The following ATXN8OS variants were observed in gnomAD, a reference collection of about 807,000 sequenced individuals.
ATXN8OS encodes the protein ATXN8 opposite strand lncRNA.
chr13:70,115,328 A>T (rs2137470739), intron 2 of ATXN8OS: 2 of 397,938 alleles, frequency 5.0e-6, no homozygotes, highest in East Asian at 7.1e-5. Flanking sequence ...TCATTAATCC[A>T]TTCACAGGGA....
At chr13:70,107,654 G>A (rs774985458), upstream of ATXN8OS, 8 of 1,545,166 alleles carry the variant, frequency 5.2e-6, no homozygotes, top group Admixed American at 1.7e-4. Flanking sequence ...CAGCGGAGTC[G>A]CAGAATGTGC....
chr13:70,112,920 A>ATT (rs759144765), intron 1 of ATXN8OS, among the ~76,000 whole-genome samples: 130 of 87,546 alleles, frequency 1.5e-3, no homozygotes, highest in East Asian at 3.3e-3. Flanking sequence ...TATATATATA[A>ATT]TTTTTTTTTT....
At chr13:70,118,563 TAGAG>T (rs560173704) in intron 2 of ATXN8OS, among the ~76,000 whole-genome samples, 68 of 152,154 alleles carry the variant, frequency 4.5e-4, no homozygotes, top group African/African-American at 1.5e-3. Flanking sequence ...CATTTATACA[TAGAG>T]AGGAAGAGAG....
intron 4 of ATXN8OS, among the ~76,000 whole-genome samples, chr13:70,157,272 T>A (rs539304965): frequency 8.5e-5 from 13 of 152,272 alleles, no homozygotes; most frequent in African/African-American, 3.1e-4. Context: ...ATGTTGTGTC[T>A]CAAGAAACAG....
chr13:70,171,495 G>A (rs1889144068), exon 5 of ATXN8OS, among the ~76,000 whole-genome samples: 1 of 152,074 alleles, frequency 6.6e-6, no homozygotes, highest in Non-Finnish European at 1.5e-5. Context: ...TCGTGGTGCA[G>A]TACATTTGTT....
At chr13:70,137,588 T>C (rs957645010) in intron 3 of ATXN8OS, among the ~76,000 whole-genome samples, 10 of 152,208 alleles carry the variant, frequency 6.6e-5, no homozygotes, top group Admixed American at 2.0e-4. Context: ...TGAATTATTA[T>C]AGATAATTTA....
chr13:70,149,874 T>G (rs887038346), intron 4 of ATXN8OS, among the ~76,000 whole-genome samples: 1 of 152,082 alleles, frequency 6.6e-6, no homozygotes, highest in Non-Finnish European at 1.5e-5. Context: ...TTTTTTTCCT[T>G]GTGGAGACTA....
intron 3 of ATXN8OS, among the ~76,000 whole-genome samples, chr13:70,145,152 G>T (rs144231464): frequency 5.9e-5 from 9 of 152,224 alleles, no homozygotes. Flanking sequence ...TCAAAGATCA[G>T]ATGGTTGTAG....
At chr13:70,136,820 A>G (rs184213) in intron 3 of ATXN8OS, among the ~76,000 whole-genome samples, 131,683 of 152,220 alleles carry the variant, frequency 0.87, 57,152 homozygotes, top group East Asian at 1. Context: ...ACTTACAACA[A>G]TATAAAATAA....
chr13:70,136,267 G>A (rs144437687), intron 3 of ATXN8OS, among the ~76,000 whole-genome samples: 17 of 152,174 alleles, frequency 1.1e-4, no homozygotes, highest in East Asian at 3.9e-4. Context: ...GTTGCAGTTC[G>A]TTATATAGCA....
At chr13:70,140,403 C>T (rs1207939797) in intron 3 of ATXN8OS, among the ~76,000 whole-genome samples, 1 of 151,896 alleles carries the variant, frequency 6.6e-6, no homozygotes, top group Non-Finnish European at 1.5e-5. Context: ...ATCTTAAATA[C>T]TTTCATTCTG....
rs1169020340 is a variant in ATXN8OS, at chr13:70,163,730, C to A, written n.574-6023C>A. On this transcript the variant is annotated intron_variant and non_coding_transcript_variant, in intron 4 of 4. Coordinates refer to ENST00000678624, the Ensembl canonical transcript of ATXN8OS. ...TTTTTACAATATGTATCAGTATATA[C>A]TTTTTTTGAACTTATTAGGTTAAAA... Among the ~76,000 whole-genome samples, 13 of 151,774 alleles carry A rather than the reference C, an allele frequency of 8.6e-5. No homozygotes were observed. In the South Asian group the frequency reaches 2.7e-3, roughly 32 times the overall value.
chr13:70,171,089 C>T (rs1406849512), exon 5 of ATXN8OS, among the ~76,000 whole-genome samples: 1 of 152,046 alleles, frequency 6.6e-6, no homozygotes, highest in Non-Finnish European at 1.5e-5. Flanking sequence ...ACTAGTCAGC[C>T]TCTGGACCAG....
chr13:70,157,485 A>C (rs1350725762), intron 4 of ATXN8OS, among the ~76,000 whole-genome samples: 1 of 131,118 alleles, frequency 7.6e-6, no homozygotes, highest in Non-Finnish European at 1.8e-5. Context: ...AAGACAGCCA[A>C]TTAACTGGAC....
chr13:70,163,882 C>A (rs1469004596), intron 4 of ATXN8OS, among the ~76,000 whole-genome samples: 1 of 148,554 alleles, frequency 6.7e-6, no homozygotes, highest in Non-Finnish European at 1.5e-5. Flanking sequence ...CAAGGGAAAT[C>A]ATGGTTTTTT....
intron 4 of ATXN8OS, among the ~76,000 whole-genome samples, chr13:70,157,050 G>T (rs2137502477): frequency 6.6e-6 from 1 of 152,168 alleles, no homozygotes; most frequent in East Asian, 1.9e-4. Flanking sequence ...CAAAAGAATT[G>T]TCACTTTAAT....
At chr13:70,150,062 C>T (rs1332192431) in intron 4 of ATXN8OS, among the ~76,000 whole-genome samples, 2 of 152,162 alleles carry the variant, frequency 1.3e-5, no homozygotes, top group South Asian at 2.1e-4. Context: ...CCCTTAAACA[C>T]GAGTGATGTT....
rs1044083397 is a variant in ATXN8OS, at chr13:70,113,273, T to A, written n.241-1868T>A. ...TCCCTTTTATGAAAATATTTATAGA[T>A]TGAAAACAAATATATGTAGACATAT... is the stretch of plus-strand genomic sequence containing the variant. On this transcript the variant is annotated intron_variant and non_coding_transcript_variant, in intron 1 of 4. Coordinates refer to ENST00000678624, the Ensembl canonical transcript of ATXN8OS. Among the ~76,000 whole-genome samples the A allele has an allele frequency of 9.1e-4, 138 of 151,774 alleles. 1 individual carries two copies. Among genetic ancestry groups the A allele is most frequent in the Admixed American group, 8.9e-3 (135 of 15,160 alleles).
chr13:70,110,103 C>T (rs1176563433), intron 1 of ATXN8OS, among the ~76,000 whole-genome samples: 1 of 151,860 alleles, frequency 6.6e-6, no homozygotes. Context: ...GTTTAAAGGA[C>T]AATATTTTAT....
Sources: gnomAD v4.1 joint callset for allele counts (sites outside exome capture counted in the v4.1 genomes callset) on GRCh38, gnomAD v4.1.1 for gene constraint, MANE v1.5 for transcripts, NCBI Gene and HGNC (gene_info 2026-07-23, HGNC 2026-07-21) for gene names.